The following MYO16 variants were observed in gnomAD, a reference collection of about 807,000 sequenced individuals.
MYO16 encodes unconventional myosin-XVI.
MYO16 carries 94 observed loss-of-function variants against 205.3 expected under a neutral mutation model. The observed-to-expected ratio is 0.46, with a 90% confidence interval of 0.39 to 0.54. The LOEUF (loss-of-function observed/expected upper bound fraction) is 0.54, where lower values mean the gene tolerates loss of function less well. Ranked by LOEUF, MYO16 falls within the 20% of genes least tolerant of loss-of-function variation. The probability of loss-of-function intolerance (pLI) is 0.00; values close to 1 mark genes in which losing one functional copy is unlikely to be tolerated. For synonymous variants in MYO16, 988 were observed against 954.0 expected, an observed-to-expected ratio of 1.04 and a Z score of -0.66; for missense variants, 2,315 against 2,387.5, an observed-to-expected ratio of 0.97 and a Z score of 0.63.
At chr13:109,178,852 G>A (rs990598358) in intron 33 of MYO16, among the ~76,000 whole-genome samples, 2 of 152,214 alleles carry the variant, frequency 1.3e-5, no homozygotes, top group Non-Finnish European at 2.9e-5. Flanking sequence ...TAGTGCAGAG[G>A]CTGGGAAACT....
intron 16 of MYO16, among the ~76,000 whole-genome samples, chr13:108,946,262 G>A (rs950507845): frequency 2.0e-5 from 3 of 151,634 alleles, no homozygotes; most frequent in Non-Finnish European, 4.4e-5. Flanking sequence ...TTCTTTGTTA[G>A]AGTATTTGTT....
chr13:108,503,995 G>A, the MYO16 span, among the ~76,000 whole-genome samples: 1 of 151,874 alleles, frequency 6.6e-6, no homozygotes, highest in Non-Finnish European at 1.5e-5. Context: ...CTTGGTGTCA[G>A]TTTTTTTAAA....
At chr13:108,787,696 G>T (rs537125887) in intron 5 of MYO16, among the ~76,000 whole-genome samples, 65 of 152,284 alleles carry the variant, frequency 4.3e-4, no homozygotes, top group African/African-American at 1.6e-3. Context: ...TTAAATGGCT[G>T]GTAGAAAATC....
intron 7 of MYO16, among the ~76,000 whole-genome samples, chr13:108,817,180 C>A (rs1875667100): frequency 6.6e-6 from 1 of 152,062 alleles, no homozygotes; most frequent in Non-Finnish European, 1.5e-5. Context: ...ACCCAGAATT[C>A]TATTTTAGAA....
chr13:109,071,596 ACTT>A (rs776241897), intron 27 of MYO16, among the ~76,000 whole-genome samples: 29 of 152,186 alleles, frequency 1.9e-4, no homozygotes, highest in Middle Eastern at 3.2e-3. Flanking sequence ...TTTTGAAAGA[ACTT>A]CTTCTATTAA....
At chr13:108,589,347 C>T in the MYO16 span, among the ~76,000 whole-genome samples, 13 of 152,196 alleles carry the variant, frequency 8.5e-5, no homozygotes, top group African/African-American at 2.6e-4. Context: ...TTTAACTTCT[C>T]ATATTTTATT....
At position 109,162,413 on chromosome 13, in the gene MYO16, C is replaced by A. The variant is rs1878431898; in HGVS notation, c.5165-2488C>A. 6.6e-6 allele frequency among the ~76,000 whole-genome samples: 1 copy of A among 152,146 alleles called. No homozygotes were observed. The highest frequency in any genetic ancestry group is 2.1e-4 in the South Asian group (1 of 4,826). On this transcript the variant is annotated intron_variant, in intron 32 of 34. Coordinates refer to ENST00000457511, the MANE Select transcript of MYO16 (RefSeq NM_001198950.3). The surrounding 1 kb of genome is among the most constrained non-coding windows in gnomAD (Gnocchi z 4.6). ...TTTCCCAGGCCCTGACTCATTAGTA[C>A]CTGGTTTCTTGAACATGGTGAGCTC...
intron 2 of MYO16, among the ~76,000 whole-genome samples, chr13:108,673,231 A>T (rs879392114): frequency 1.3e-5 from 2 of 152,108 alleles, no homozygotes; most frequent in Admixed American, 1.3e-4. Flanking sequence ...TGCCATTTGA[A>T]ATTCTTTATT....
chr13:108,783,274 G>A (rs755268291), intron 4 of MYO16, among the ~76,000 whole-genome samples: 4 of 152,198 alleles, frequency 2.6e-5, no homozygotes, highest in Non-Finnish European at 5.9e-5. Context: ...TCATTTTGGA[G>A]CTTTAAAATG....
Position 108,976,918 on chromosome 13 carries a change from G to A in MYO16, c.2369+12016G>A, listed in dbSNP as rs552376267. ...TTTTCAACTTTTGCCTCAGGTTTTC[G>A]TTATCATAAAAGACGTAGATGATTA... On this transcript the variant is annotated intron_variant, in intron 20 of 34. Coordinates refer to ENST00000457511, the MANE Select transcript of MYO16 (RefSeq NM_001198950.3). 2.3e-4 allele frequency among the ~76,000 whole-genome samples: 35 copies of A among 152,088 alleles called. No homozygotes were observed. In the South Asian group the frequency reaches 6.2e-3, roughly 27 times the overall value.
At chr13:108,591,445 TAAA>T (rs11318246), upstream of MYO16, among the ~76,000 whole-genome samples, 4 of 150,062 alleles carry the variant, frequency 2.7e-5, no homozygotes, top group African/African-American at 9.8e-5. Context: ...CTCTTTAAAA[TAAA>T]AAAAAAAAGT....
At chr13:108,735,398 G>T (rs910478053) in intron 4 of MYO16, among the ~76,000 whole-genome samples, 1 of 150,990 alleles carries the variant, frequency 6.6e-6, no homozygotes, top group African/African-American at 2.4e-5. Flanking sequence ...TGCTCAGAAT[G>T]ATCATTTCCA....
At chr13:108,793,416 G>T (rs1307508991) in intron 5 of MYO16, 100 bp from the exon 6 acceptor site, 2 of 1,191,652 alleles carry the variant, frequency 1.7e-6, no homozygotes, top group Non-Finnish European at 2.3e-6. Flanking sequence ...AAGCTTCAAA[G>T]AAAAACACAT....
At chr13:109,023,140 T>C (rs1295351816) in intron 23 of MYO16, among the ~76,000 whole-genome samples, 1 of 130,882 alleles carries the variant, frequency 7.6e-6, no homozygotes, top group Non-Finnish European at 1.5e-5. Flanking sequence ...AATTTATGTA[T>C]ATGTTTATGT....
intron 16 of MYO16, among the ~76,000 whole-genome samples, chr13:108,916,914 T>G (rs887202642): frequency 2.6e-5 from 4 of 152,140 alleles, no homozygotes; most frequent in Non-Finnish European, 4.4e-5. Flanking sequence ...ACTTCTTGAT[T>G]GGTAGTGTTA....
chr13:109,006,260 G>A (rs377583213), intron 21 of MYO16, among the ~76,000 whole-genome samples: 1 of 152,052 alleles, frequency 6.6e-6, no homozygotes, highest in African/African-American at 2.4e-5. Context: ...ATTTATTTGA[G>A]ACGGAGTCTT....
At chr13:108,541,316 T>C in the MYO16 span, among the ~76,000 whole-genome samples, 17 of 151,500 alleles carry the variant, frequency 1.1e-4, no homozygotes, top group Admixed American at 3.3e-4. Flanking sequence ...CTATATTATA[T>C]AGATACATGT....
chr13:108,626,853 A>G (rs1879757351), upstream of MYO16, among the ~76,000 whole-genome samples: 1 of 147,424 alleles, frequency 6.8e-6, no homozygotes, highest in African/African-American at 2.5e-5. Context: ...GTGTATATAT[A>G]TATATGTATA....
rs191215543 is a variant in MYO16 at position 108,848,636 on chromosome 13, C to T, written c.1248+4143C>T. Among the ~76,000 whole-genome samples the T allele has an allele frequency of 1.5e-3, 230 of 152,116 alleles. 1 individual carries two copies. Among genetic ancestry groups the T allele is most frequent in the Admixed American group, 5.0e-3 (76 of 15,272 alleles). ...GCAACATAGCAAAACCCCATCTCTA[C>T]AAAATATTTAAAACGTAGCAGGGTT... On this transcript the variant is annotated intron_variant, in intron 10 of 34. Coordinates refer to ENST00000457511, the MANE Select transcript of MYO16 (RefSeq NM_001198950.3).
Sources: gnomAD v4.1 joint callset for allele counts (sites outside exome capture counted in the v4.1 genomes callset) on GRCh38, gnomAD v4.1.1 for gene constraint, Gnocchi (gnomAD v3.1) non-coding constraint, MANE v1.5 for transcripts, NCBI Gene and HGNC (gene_info 2026-07-23, HGNC 2026-07-21) for gene names.